The following GRIA4 variants were observed in gnomAD, a reference collection of about 807,000 sequenced individuals.
GRIA4 encodes glutamate ionotropic receptor AMPA type subunit 4.
A neutral mutation model predicts 104.0 loss-of-function variants in GRIA4; 34 were observed. The observed-to-expected ratio is 0.33, with a 90% CI of 0.25 to 0.44. The LOEUF (loss-of-function observed/expected upper bound fraction) is 0.44. Among genes scored for constraint, GRIA4 ranks in the 20% least tolerant of loss-of-function variants. The probability of loss-of-function intolerance (pLI) is 1.00; values close to 1 mark genes in which losing one functional copy is unlikely to be tolerated. For missense variants in GRIA4, 750 were observed against 1,096.5 expected, an observed-to-expected ratio of 0.68 and a Z score of 4.46; for synonymous variants, 386 against 381.9, an observed-to-expected ratio of 1.01 and a Z score of -0.13.
chr11:105,643,936 C>G lies in GRIA4; in HGVS notation c.247+31502C>G, dbSNP rs530234365. On this transcript the variant is annotated intron_variant, in intron 3 of 16. Transcript: ENST00000282499. ...GTTTCACCATGTTGGCCAGGCTGGT[C>G]TTGAACATCTGACCTCAGGTGATCC... Among the ~76,000 whole-genome samples the G allele has an allele frequency of 9.2e-5, 14 of 152,246 alleles. No individual in the cohort carries two copies. In the East Asian group the frequency reaches 1.9e-3, roughly 21 times the overall value.
intron 2 of GRIA4, 54 bp downstream of exon 2, chr11:105,611,139 A>G: frequency 7.9e-7 from 1 of 1,265,420 alleles, no homozygotes; most frequent in Non-Finnish European, 1.2e-6. Context: ...AGATATCCGA[A>G]AGTGAGTTAA....
intron 4 of GRIA4, among the ~76,000 whole-genome samples, chr11:105,794,415 G>T (rs1942358962): frequency 7.2e-6 from 1 of 138,784 alleles, no homozygotes; most frequent in Non-Finnish European, 1.6e-5. Context: ...ACACATATAT[G>T]TGTATGTGTG....
At chr11:105,754,194 A>G (rs111399408) in intron 4 of GRIA4, among the ~76,000 whole-genome samples, 1 of 152,148 alleles carries the variant, frequency 6.6e-6, no homozygotes, top group African/African-American at 2.4e-5. Flanking sequence ...CACACTAGAG[A>G]CAATCTTCTG....
At chr11:105,710,202 G>T (rs1423143226) in intron 3 of GRIA4, among the ~76,000 whole-genome samples, 1 of 151,994 alleles carries the variant, frequency 6.6e-6, no homozygotes, top group Non-Finnish European at 1.5e-5. Flanking sequence ...ACCTTGCTGC[G>T]ATACATGTCC....
intron 3 of GRIA4, among the ~76,000 whole-genome samples, chr11:105,684,733 G>A (rs527466849): frequency 6.6e-6 from 1 of 150,866 alleles, no homozygotes; most frequent in Non-Finnish European, 1.5e-5. Flanking sequence ...TCTAAAGATA[G>A]GCACTTTGGA....
chr11:105,755,089 T>A (rs1940224264), intron 4 of GRIA4, among the ~76,000 whole-genome samples: 1 of 152,198 alleles, frequency 6.6e-6, no homozygotes. Flanking sequence ...AATATGCATA[T>A]CCTGCTATTG....
intron 3 of GRIA4, among the ~76,000 whole-genome samples, chr11:105,634,468 G>GGAAAGAAAGAAAGAAA (rs751748317): frequency 1.9e-4 from 18 of 94,350 alleles, no homozygotes; most frequent in African/African-American, 4.9e-4. Flanking sequence ...AGAAAGAAAG[G>GGAAAGAAAGAAAGAAA]GAAAGAAAGA....
At chr11:105,877,108 G>A (rs1422041857) in intron 5 of GRIA4, among the ~76,000 whole-genome samples, 1 of 152,140 alleles carries the variant, frequency 6.6e-6, no homozygotes, top group East Asian at 1.9e-4. Context: ...AGGCCTGGTG[G>A]TGACAAAATC....
chr11:105,657,089 T>C (rs564850881), intron 3 of GRIA4, among the ~76,000 whole-genome samples: 1 of 152,120 alleles, frequency 6.6e-6, no homozygotes, highest in South Asian at 2.1e-4. Flanking sequence ...TCTTTCAGTC[T>C]AATAAAGGCC....
intron 4 of GRIA4, among the ~76,000 whole-genome samples, chr11:105,789,849 A>C (rs1942137421): frequency 1.3e-5 from 2 of 152,156 alleles, no homozygotes; most frequent in Non-Finnish European, 2.9e-5. Context: ...TGATCAAAAG[A>C]AGCAGCACCA....
At chr11:105,649,680 T>C (rs1206755353) in intron 3 of GRIA4, among the ~76,000 whole-genome samples, 1 of 152,134 alleles carries the variant, frequency 6.6e-6, no homozygotes, top group African/African-American at 2.4e-5. Flanking sequence ...TTTGTGGACA[T>C]TATTGTACAA....
At chr11:105,739,383 A>G (rs1292727663) in intron 3 of GRIA4, among the ~76,000 whole-genome samples, 1 of 152,194 alleles carries the variant, frequency 6.6e-6, no homozygotes, top group African/African-American at 2.4e-5. Flanking sequence ...GGACTGTACA[A>G]GTGCAGCTCA....
chr11:105,636,394 C>T (rs1241922385), intron 3 of GRIA4, among the ~76,000 whole-genome samples: 4 of 152,176 alleles, frequency 2.6e-5, no homozygotes, highest in African/African-American at 9.7e-5. Context: ...TGTTCAAGGT[C>T]AGACTCTTTT....
At chr11:105,666,103 A>G (rs1335271754) in intron 3 of GRIA4, among the ~76,000 whole-genome samples, 2 of 152,066 alleles carry the variant, frequency 1.3e-5, no homozygotes, top group African/African-American at 4.8e-5. Context: ...AGTGATAGCT[A>G]TTAATAGGTA....
chr11:105,744,297 G>A (rs1939510249), intron 3 of GRIA4, among the ~76,000 whole-genome samples: 1 of 152,138 alleles, frequency 6.6e-6, no homozygotes, highest in Non-Finnish European at 1.5e-5. Flanking sequence ...TTTAATAGAG[G>A]AATGAGTGGT....
At chr11:105,805,025 A>G (rs1591284357) in intron 4 of GRIA4, among the ~76,000 whole-genome samples, 1 of 152,120 alleles carries the variant, frequency 6.6e-6, no homozygotes, top group Admixed American at 6.6e-5. Flanking sequence ...CTCAGGGACT[A>G]TGCCCTCTTA....
At chr11:105,799,392 G>A (rs1220669358) in intron 4 of GRIA4, among the ~76,000 whole-genome samples, 1 of 152,104 alleles carries the variant, frequency 6.6e-6, no homozygotes, top group Admixed American at 6.6e-5. Context: ...TCGATGTCAA[G>A]AGGATGGGAA....
chr11:105,617,449 C>T (rs945721075), intron 3 of GRIA4, among the ~76,000 whole-genome samples: 1 of 151,778 alleles, frequency 6.6e-6, no homozygotes, highest in African/African-American at 2.4e-5. Flanking sequence ...ATTCTTATAC[C>T]TACTATCCTA....
At chr11:105,800,983 A>G (rs1283581468) in intron 4 of GRIA4, among the ~76,000 whole-genome samples, 2 of 151,992 alleles carry the variant, frequency 1.3e-5, no homozygotes, top group Non-Finnish European at 2.9e-5. Context: ...AGTATAAATT[A>G]ACTAAATACA....
Sources: allele counts gnomAD v4.1 joint callset (sites outside exome capture counted in the v4.1 genomes callset), GRCh38; gene constraint gnomAD v4.1.1; transcripts MANE v1.5; gene names NCBI Gene and HGNC (gene_info 2026-07-23, HGNC 2026-07-21).